The following NR2C2 variants were observed in gnomAD, a reference collection of about 807,000 sequenced individuals.
NR2C2 encodes Nuclear hormone receptor TR4.
NR2C2 carries 6 observed loss-of-function variants against 62.9 expected under a neutral mutation model. The observed-to-expected ratio is 0.10, with a 90% CI of 0.05 to 0.19. The LOEUF (loss-of-function observed/expected upper bound fraction) is 0.19. NR2C2 is among the 10% of genes least tolerant of loss of function. NR2C2 has a pLI of 1.00. For synonymous variants in NR2C2, 272 were observed against 273.8 expected (o/e 0.99, Z 0.07); for missense variants, 479 against 762.7 (o/e 0.63, Z 4.38).
intron 1 of NR2C2, among the ~76,000 whole-genome samples, chr3:14,978,518 T>C (rs1347889240): frequency 2.0e-5 from 3 of 152,162 alleles, no homozygotes; most frequent in Non-Finnish European, 4.4e-5. Context: ...AGTTGAACCA[T>C]TGTAAGTTGA....
At chr3:14,954,175 A>G (rs1351622088) in intron 1 of NR2C2, among the ~76,000 whole-genome samples, 1 of 152,204 alleles carries the variant, frequency 6.6e-6, no homozygotes, top group African/African-American at 2.4e-5. Flanking sequence ...ACCAAGACTA[A>G]AAGCAGATGT....
At chr3:15,041,397 T>C (rs2042260953) in intron 13 of NR2C2, among the ~76,000 whole-genome samples, 2 of 152,176 alleles carry the variant, frequency 1.3e-5, no homozygotes, top group Admixed American at 6.5e-5. Context: ...CCTGCAAGAT[T>C]GGAGCACAGC....
intron 1 of NR2C2, among the ~76,000 whole-genome samples, chr3:14,978,399 G>A (rs6784924): frequency 0.26 from 40,254 of 152,034 alleles, 5,998 homozygotes; most frequent in African/African-American, 0.39. Context: ...ATCTCATGTA[G>A]CATGCTAGTA....
At chr3:15,039,097 G>A (rs535516368) in intron 12 of NR2C2, 25 bp from the exon 13 acceptor site, 43 of 1,538,414 alleles carry the variant, frequency 2.8e-5, no homozygotes, top group Admixed American at 6.7e-5. Context: ...GAGGGAACTG[G>A]GGGGGGGTAC....
intron 10 of NR2C2, among the ~76,000 whole-genome samples, chr3:15,033,101 T>C (rs1489687168): frequency 6.6e-6 from 1 of 152,192 alleles, no homozygotes; most frequent in African/African-American, 2.4e-5. Flanking sequence ...GCTGGCAGTC[T>C]GGTTGAAAGA....
chr3:15,026,857 A>T lies in NR2C2; in HGVS notation c.799-1729A>T, dbSNP rs2041835245. On this transcript the variant is annotated intron_variant, in intron 7 of 13. Coordinates refer to ENST00000425241, the MANE Select transcript of NR2C2 (RefSeq NM_001291694.2). ...TGGGATTACAGGCATGTGCCACCATACCCAGCTAATTTTGTGTGTTTTGTT... is the reference window on the plus strand; with the variant it reads ...TGGGATTACAGGCATGTGCCACCATTCCCAGCTAATTTTGTGTGTTTTGTT... 4 of 151,922 alleles carry T rather than the reference A, an allele frequency of 2.6e-5. No individual in the cohort carries two copies. In the South Asian group the frequency reaches 8.3e-4, roughly 32 times the overall value. The allele number at this position is 151,922 out of a possible 1,614,324, so 9.4% of individuals were successfully genotyped here. A position where few individuals can be genotyped will look rare whatever the true frequency, so the allele number is the denominator to read the frequency against.
Position 15,034,746 on chromosome 3 carries a change from G to A in NR2C2, c.1309G>A (p.Val437Ile). The A allele has an allele frequency of 1.2e-6, 2 of 1,614,118 alleles. No homozygotes were observed. The highest frequency in any genetic ancestry group is 1.1e-5 in the South Asian group (1 of 91,060). Residue 437 changes from valine (V) to isoleucine (I), a missense_variant, in exon 11 of 14, where the codon GTC becomes ATC. Physicochemically the swap from Val to Ile is conservative, Grantham distance 29. Transcript: ENST00000425241. ...CCTCGGCCTGGCCCAGTGTGCCCAG[G>A]TCATGAGTCTCTCCACCATCCTGGC... ...FTLGLAQCAQVMSLSTILAAI... is the reference protein window; with the variant it reads ...FTLGLAQCAQIMSLSTILAAI...
At chr3:14,999,544 G>A (rs1390863957) in intron 1 of NR2C2, among the ~76,000 whole-genome samples, 3 of 152,110 alleles carry the variant, frequency 2.0e-5, no homozygotes, top group Non-Finnish European at 4.4e-5. Context: ...TTTTTCTTGT[G>A]CTATTTTTGC....
intron 1 of NR2C2, among the ~76,000 whole-genome samples, chr3:14,958,030 A>G (rs2039577747): frequency 6.6e-6 from 1 of 152,140 alleles, no homozygotes; most frequent in Non-Finnish European, 1.5e-5. Flanking sequence ...TTTCCTTGCT[A>G]CATTTCCATT....
chr3:15,028,534 G>A (rs1045794138), intron 7 of NR2C2, 52 bp from the exon 8 acceptor site: 2 of 1,575,092 alleles, frequency 1.3e-6, no homozygotes, highest in Non-Finnish European at 1.7e-6. Context: ...TGGCCTGAGA[G>A]TCATTTGCGT....
rs1304023350 is a variant in NR2C2 at position 15,044,264 on chromosome 3, ATC to A, written c.*1260_*1261del. ...TTTTAAAAATGTGTATAGACTCAGC[ATC>A]TCTGTTGGCAAGTCTGTTAATGTTA... On this transcript the variant is annotated 3_prime_UTR_variant, in exon 14 of 14. Transcript: ENST00000425241. 1 of 152,188 alleles carries A rather than the reference ATC, an allele frequency of 6.6e-6. No homozygotes were observed. The highest frequency in any genetic ancestry group is 1.5e-5 in the Non-Finnish European group (1 of 68,044). 9.4% of individuals were successfully genotyped at this position (152,188 alleles called of 1,614,324 possible).
intron 1 of NR2C2, among the ~76,000 whole-genome samples, chr3:14,963,482 AT>A (rs1216371171): frequency 1.3e-5 from 2 of 150,748 alleles, no homozygotes; most frequent in African/African-American, 5.0e-5. Flanking sequence ...TTTATTTTTT[AT>A]TTTTTGAGAC....
intron 1 of NR2C2, among the ~76,000 whole-genome samples, chr3:14,973,113 A>T (rs2040098169): frequency 6.6e-6 from 1 of 152,166 alleles, no homozygotes. Flanking sequence ...GTGTCCTTTG[A>T]TGTAAAAAAA....
chr3:15,042,677 T>TA, intron 13 of NR2C2, 157 bp from the exon 14 acceptor site: 1 of 624,396 alleles, frequency 1.6e-6, no homozygotes, highest in South Asian at 2.3e-5. Context: ...TAAATTTCTA[T>TA]AAGAGGAACT....
chr3:15,003,015 C>T (rs896709882), intron 1 of NR2C2, among the ~76,000 whole-genome samples: 5 of 148,194 alleles, frequency 3.4e-5, no homozygotes, highest in Non-Finnish European at 6.0e-5. Flanking sequence ...GCACAATCTC[C>T]GCTTACTGCA....
intron 10 of NR2C2, chr3:15,034,415 CTATTAACATTTTTT>C (rs1333586663): frequency 1.7e-5 from 7 of 409,744 alleles, no homozygotes; most frequent in Non-Finnish European, 3.1e-5. Flanking sequence ...TTGGCCATAC[CTATTAACATTTTTT>C]TATTATTTAA....
intron 4 of NR2C2, among the ~76,000 whole-genome samples, chr3:15,017,832 T>C (rs2041554166): frequency 6.6e-6 from 1 of 152,214 alleles, no homozygotes; most frequent in Non-Finnish European, 1.5e-5. Context: ...GTAGCCACCA[T>C]AAATGGTAAT....
rs2042413345 is a variant in NR2C2, at chr3:15,045,376, G to C, written c.*2368G>C. On this transcript the variant is annotated 3_prime_UTR_variant, in exon 14 of 14. Coordinates refer to ENST00000425241, the MANE Select transcript of NR2C2 (RefSeq NM_001291694.2). ...GCTGCTTAGACTCAGGCTGGATAAGGAAGTGTTGGGCTGTGGTGAAACAAC... is the reference window on the plus strand; with the variant it reads ...GCTGCTTAGACTCAGGCTGGATAAGCAAGTGTTGGGCTGTGGTGAAACAAC... The C allele has an allele frequency of 6.5e-6, 1 of 152,676 alleles. No individual in the cohort carries two copies. The highest frequency in any genetic ancestry group is 2.4e-5 in the African/African-American group (1 of 41,452). 9.5% of individuals were successfully genotyped at this position (152,676 alleles called of 1,614,324 possible). A position where few individuals can be genotyped will look rare whatever the true frequency, so the allele number is the denominator to read the frequency against.
At chr3:14,996,705 G>A (rs191820738) in intron 1 of NR2C2, among the ~76,000 whole-genome samples, 32 of 152,170 alleles carry the variant, frequency 2.1e-4, no homozygotes, top group Non-Finnish European at 3.5e-4. Flanking sequence ...CGAGTAGCTG[G>A]GACTCCAGGC....
Sources: gnomAD v4.1 joint callset for allele counts (sites outside exome capture counted in the v4.1 genomes callset) on GRCh38, gnomAD v4.1.1 for gene constraint, MANE v1.5 for transcripts, NCBI Gene and HGNC (gene_info 2026-07-23, HGNC 2026-07-21) for gene names.